The following LMBRD1 variants were observed in gnomAD, a reference collection of about 807,000 sequenced individuals.
LMBRD1 encodes lysosomal cobalamin transport escort protein LMBD1.
In LMBRD1, 64 loss-of-function variants were observed where a neutral mutation model predicts 74.8. The ratio of observed to expected loss-of-function variants is 0.86; its 90% confidence interval spans 0.70 to 1.05. LMBRD1 has a LOEUF of 1.05. Ranked by LOEUF, LMBRD1 falls within the 50% of genes least tolerant of loss-of-function variation. LMBRD1 has a pLI of 0.00. For missense variants in LMBRD1, 652 were observed against 645.9 expected (o/e 1.01, Z -0.10); for synonymous variants, 204 against 216.3 (o/e 0.94, Z 0.50).
chr6:69,701,653 A>C (rs965391220), intron 10 of LMBRD1, 108 bp from the exon 11 acceptor site: 3 of 722,938 alleles, frequency 4.1e-6, no homozygotes, highest in African/African-American at 1.8e-5. Context: ...AAAGAAAACA[A>C]TGGATAACAA....
chr6:69,757,928 T>C (rs756551566), intron 3 of LMBRD1, among the ~76,000 whole-genome samples: 48 of 152,182 alleles, frequency 3.2e-4, no homozygotes, highest in Non-Finnish European at 3.1e-4. Context: ...TTAAGCCTCA[T>C]GTCCATAGAA....
chr6:69,738,560 AAAAT>A (rs1313479360), intron 6 of LMBRD1, among the ~76,000 whole-genome samples: 1 of 151,944 alleles, frequency 6.6e-6, no homozygotes, highest in Non-Finnish European at 1.5e-5. Context: ...ACTTGGCAGA[AAAAT>A]AAAAGCAAAC....
intron 3 of LMBRD1, among the ~76,000 whole-genome samples, chr6:69,761,012 T>G (rs998258515): frequency 6.6e-6 from 1 of 152,150 alleles, no homozygotes; most frequent in Non-Finnish European, 1.5e-5. Context: ...CACACCCAAC[T>G]AAGGTGCATC....
At position 69,708,596 on chromosome 6, in the gene LMBRD1, G is replaced by A. The variant is rs75611730; in HGVS notation, c.915+5049C>T. ...AGCCTATGCTTCTGAAATAAGTTAT[G>A]TATATGCTAGGGAAATGCATGGCAA... is the stretch of plus-strand genomic sequence containing the variant. On this transcript the variant is annotated intron_variant, in intron 9 of 15. Coordinates refer to ENST00000649934, the MANE Select transcript of LMBRD1 (RefSeq NM_018368.4). Among the ~76,000 whole-genome samples the A allele has an allele frequency of 7.0e-3, 1,067 of 151,710 alleles. 22 individuals are homozygous for A. The East Asian group carries it at 0.079, about 11-fold the overall frequency.
At chr6:69,698,991 T>C in intron 13 of LMBRD1, 52 bp downstream of exon 13, 1 of 1,218,426 alleles carries the variant, frequency 8.2e-7, no homozygotes, top group South Asian at 1.3e-5. Context: ...TCATTTTAAA[T>C]ATCACTATCT....
At chr6:69,770,564 C>T (rs1014974393) in intron 3 of LMBRD1, among the ~76,000 whole-genome samples, 4 of 152,172 alleles carry the variant, frequency 2.6e-5, no homozygotes, top group Non-Finnish European at 5.9e-5. Context: ...CACGGAAGTA[C>T]ACATTATTCT....
At chr6:69,780,011 C>T (rs1765793257) in intron 3 of LMBRD1, among the ~76,000 whole-genome samples, 1 of 152,184 alleles carries the variant, frequency 6.6e-6, no homozygotes, top group African/African-American at 2.4e-5. Context: ...TCTTCTTGCC[C>T]TTGCCCCACA....
At chr6:69,775,805 ACAT>A (rs746496289) in intron 3 of LMBRD1, among the ~76,000 whole-genome samples, 14 of 152,216 alleles carry the variant, frequency 9.2e-5, no homozygotes, top group South Asian at 2.1e-4. Flanking sequence ...TTTTCAAAGA[ACAT>A]CATTTTTACT....
intron 7 of LMBRD1, among the ~76,000 whole-genome samples, chr6:69,722,408 A>C (rs1562099152): frequency 6.6e-6 from 1 of 151,658 alleles, no homozygotes; most frequent in Non-Finnish European, 1.5e-5. Flanking sequence ...TAACACTACA[A>C]TGGTGGTGTG....
chr6:69,675,723 T>A lies in LMBRD1; in HGVS notation c.*435A>T, dbSNP rs1436582200. The A allele has an allele frequency of 5.5e-6, 1 of 182,834 alleles. No individual in the cohort carries two copies. The highest frequency in any genetic ancestry group is 1.2e-5 in the Non-Finnish European group (1 of 86,082). 11.3% of individuals were successfully genotyped at this position (182,834 alleles called of 1,614,324 possible). A position where few individuals can be genotyped will look rare whatever the true frequency, so the allele number is the denominator to read the frequency against. ...AAACAATTTGCATATGGGAGTAACA[T>A]TCATCAGCTATATTGTAAATATTAT... is the stretch of plus-strand genomic sequence containing the variant. On this transcript the variant is annotated 3_prime_UTR_variant, in exon 16 of 16. Transcript: ENST00000649934.
intron 5 of LMBRD1, among the ~76,000 whole-genome samples, chr6:69,745,253 C>CCT (rs1554237670): frequency 7.2e-6 from 1 of 137,988 alleles, no homozygotes; most frequent in African/African-American, 2.7e-5. Context: ...TTAAAAATTT[C>CCT]TTTTTTTTTT....
chr6:69,734,436 C>T, intron 7 of LMBRD1, among the ~76,000 whole-genome samples: 1 of 151,592 alleles, frequency 6.6e-6, no homozygotes, highest in East Asian at 1.9e-4. Context: ...GCTCTTGTCT[C>T]CCAGGCTGGA....
chr6:69,744,010 C>A (rs1767163897), intron 5 of LMBRD1, among the ~76,000 whole-genome samples: 1 of 152,074 alleles, frequency 6.6e-6, no homozygotes, highest in Admixed American at 6.5e-5. Flanking sequence ...GAAAAGGCAA[C>A]TGAAGTCCAA....
chr6:69,751,705 C>T lies in LMBRD1; in HGVS notation c.405+554G>A, dbSNP rs115421748. On this transcript the variant is annotated intron_variant, in intron 4 of 15. Coordinates refer to ENST00000649934, the MANE Select transcript of LMBRD1 (RefSeq NM_018368.4). ...CTTCTTTATGCTTTTGAACAGGGGC[C>T]AGCAAACTACATTCAGTGTGCCACA... 3.5e-3 allele frequency among the ~76,000 whole-genome samples: 533 copies of T among 152,312 alleles called. 1 individual carries two copies. Among genetic ancestry groups the T allele is most frequent in the African/African-American group, 0.012 (515 of 41,570 alleles).
In LMBRD1 at chr6:69,703,067, T is replaced by C. The variant is rs552733063; in HGVS notation, c.916-1114A>G. On this transcript the variant is annotated intron_variant, in intron 9 of 15. Coordinates refer to ENST00000649934, the MANE Select transcript of LMBRD1 (RefSeq NM_018368.4). ...TGACGAGAGGGGTCCAAGAAGGCTATAGTCATCTCTTGAAAAGAGAGTGAT... is the reference window on the plus strand; with the variant it reads ...TGACGAGAGGGGTCCAAGAAGGCTACAGTCATCTCTTGAAAAGAGAGTGAT... Among the ~76,000 whole-genome samples, 134 of 152,216 alleles carry C rather than the reference T, an allele frequency of 8.8e-4. 1 individual carries two copies. The highest frequency in any genetic ancestry group is 3.0e-3 in the African/African-American group (123 of 41,534).
At chr6:69,701,814 T>C (rs2149845469) in intron 10 of LMBRD1, 75 bp downstream of exon 10, 2 of 1,016,696 alleles carry the variant, frequency 2.0e-6, no homozygotes, top group South Asian at 1.3e-5. Context: ...CCTACACTAA[T>C]GGCATTCAGC....
chr6:69,701,843 A>G lies in LMBRD1; in HGVS notation c.980+46T>C, dbSNP rs367896804. The G allele has an allele frequency of 3.2e-4, 410 of 1,283,922 alleles. No homozygotes were observed. In the East Asian group the frequency reaches 3.3e-3, roughly 10 times the overall value. The allele number at this position is 1,283,922 out of a possible 1,614,324, so 79.5% of individuals were successfully genotyped here. A position where few individuals can be genotyped will look rare whatever the true frequency, so the allele number is the denominator to read the frequency against. On this transcript the variant is annotated intron_variant, in intron 10 of 15. Coordinates refer to ENST00000649934, the MANE Select transcript of LMBRD1 (RefSeq NM_018368.4). ...ATTCAGCAACAAAATGTATATTATC[A>G]TAGAATTTGTATAAGTGCTTTAGAA...
At chr6:69,720,152 G>A (rs1766582278) in intron 7 of LMBRD1, among the ~76,000 whole-genome samples, 1 of 151,852 alleles carries the variant, frequency 6.6e-6, no homozygotes, top group Non-Finnish European at 1.5e-5. Flanking sequence ...AAATAGCAAA[G>A]CATAAATTCT....
At chr6:69,732,036 G>C (rs1362349697) in intron 7 of LMBRD1, among the ~76,000 whole-genome samples, 1 of 152,182 alleles carries the variant, frequency 6.6e-6, no homozygotes, top group African/African-American at 2.4e-5. Context: ...GACACATAAA[G>C]TAACGGTGCA....
Sources: gnomAD v4.1 joint callset for allele counts (sites outside exome capture counted in the v4.1 genomes callset) on GRCh38, gnomAD v4.1.1 for gene constraint, MANE v1.5 for transcripts, NCBI Gene and HGNC (gene_info 2026-07-23, HGNC 2026-07-21) for gene names.